The following GUCY1A2 variants were observed in gnomAD, a reference collection of about 807,000 sequenced individuals.
The protein encoded by GUCY1A2 is guanylate cyclase soluble subunit alpha-2.
Under a neutral mutation model 63.5 loss-of-function variants are expected in GUCY1A2, and 27 were observed. The observed-to-expected ratio is 0.43, with a 90% CI of 0.31 to 0.59. The LOEUF (loss-of-function observed/expected upper bound fraction) is 0.59. Among genes scored for constraint, GUCY1A2 ranks in the 20% least tolerant of loss-of-function variants. The pLI, the probability that GUCY1A2 is intolerant of heterozygous loss-of-function variation, is 0.11. For missense variants in GUCY1A2, 768 were observed against 913.3 expected, an observed-to-expected ratio of 0.84 and a Z score of 2.05; for synonymous variants, 364 against 343.5, an observed-to-expected ratio of 1.06 and a Z score of -0.66.
intron 6 of GUCY1A2, among the ~76,000 whole-genome samples, chr11:106,751,786 T>C (rs1444629294): frequency 2.0e-5 from 3 of 152,146 alleles, no homozygotes; most frequent in Non-Finnish European, 2.9e-5. Context: ...ATTAAGCACA[T>C]GGTAGTGTCT....
intron 4 of GUCY1A2, among the ~76,000 whole-genome samples, chr11:106,831,502 T>G (rs935379997): frequency 1.3e-5 from 2 of 152,170 alleles, no homozygotes; most frequent in Non-Finnish European, 2.9e-5. Context: ...GCCCATATGA[T>G]GATAGCAGAA....
chr11:106,777,423 G>A (rs1201256382), intron 5 of GUCY1A2, among the ~76,000 whole-genome samples: 4 of 145,262 alleles, frequency 2.8e-5, no homozygotes, highest in Non-Finnish European at 6.0e-5. Context: ...CTCCAGCCTG[G>A]TGACAGAGTG....
chr11:106,683,419 G>A lies in GUCY1A2; in HGVS notation c.*4130C>T, dbSNP rs572673473. On this transcript the variant is annotated 3_prime_UTR_variant, in exon 8 of 8. Coordinates refer to ENST00000526355, the MANE Select transcript of GUCY1A2 (RefSeq NM_000855.3). ...AGTGAAGCTGTATGAAGTGCTTGGA[G>A]TCAGACTGTGTTTTGAAGAAAGAGC... 8 of 225,838 alleles carry A rather than the reference G, an allele frequency of 3.5e-5. No individual in the cohort carries two copies. In the East Asian group the frequency reaches 5.1e-4, roughly 14 times the overall value. 14.0% of individuals were successfully genotyped at this position (225,838 alleles called of 1,614,324 possible).
At chr11:106,981,632 C>T (rs1861337274) in intron 2 of GUCY1A2, among the ~76,000 whole-genome samples, 1 of 152,048 alleles carries the variant, frequency 6.6e-6, no homozygotes, top group Non-Finnish European at 1.5e-5. Context: ...GCTTCGTCTA[C>T]CCTGCCATGG....
chr11:106,760,807 G>GA (rs1346396201), intron 6 of GUCY1A2, among the ~76,000 whole-genome samples: 2 of 151,924 alleles, frequency 1.3e-5, no homozygotes, highest in East Asian at 3.9e-4. Flanking sequence ...GTTAAAAGGA[G>GA]AAAAAAATCC....
chr11:106,949,887 G>T (rs1860882438), intron 3 of GUCY1A2, among the ~76,000 whole-genome samples: 1 of 152,142 alleles, frequency 6.6e-6, no homozygotes, highest in South Asian at 2.1e-4. Context: ...ATCTATAAAA[G>T]AATGAATATA....
intron 1 of GUCY1A2, among the ~76,000 whole-genome samples, chr11:106,997,308 G>A (rs867884491): frequency 1.8e-4 from 27 of 151,852 alleles, no homozygotes; most frequent in Middle Eastern, 3.2e-3. Flanking sequence ...TCTTCTTCCC[G>A]CACTCTATAG....
intron 4 of GUCY1A2, among the ~76,000 whole-genome samples, chr11:106,885,238 TG>T: frequency 6.6e-6 from 1 of 152,326 alleles, no homozygotes; most frequent in South Asian, 2.1e-4. Flanking sequence ...CTGATTATTT[TG>T]TACAATGAAT....
intron 1 of GUCY1A2, among the ~76,000 whole-genome samples, chr11:107,013,517 T>C (rs1251099179): frequency 1.3e-5 from 2 of 152,234 alleles, no homozygotes; most frequent in African/African-American, 2.4e-5. Flanking sequence ...GATTTATACA[T>C]CTTCAATCAG....
intron 4 of GUCY1A2, among the ~76,000 whole-genome samples, chr11:106,855,686 T>C (rs1859419719): frequency 1.3e-5 from 2 of 152,186 alleles, no homozygotes. Context: ...TTGGCATCCT[T>C]GTCAACAATT....
At chr11:106,722,717 T>G (rs886522354) in intron 6 of GUCY1A2, among the ~76,000 whole-genome samples, 1 of 152,012 alleles carries the variant, frequency 6.6e-6, no homozygotes, top group Non-Finnish European at 1.5e-5. Context: ...AAATAGGAAA[T>G]TTTCTTTTTC....
At chr11:106,829,624 C>T (rs1226355956) in intron 4 of GUCY1A2, among the ~76,000 whole-genome samples, 7 of 152,120 alleles carry the variant, frequency 4.6e-5, no homozygotes, top group African/African-American at 1.7e-4. Context: ...GTTAAGATTG[C>T]CACCTGGATA....
At chr11:106,907,451 A>T (rs1860227249) in intron 4 of GUCY1A2, among the ~76,000 whole-genome samples, 2 of 151,892 alleles carry the variant, frequency 1.3e-5, no homozygotes, top group South Asian at 4.2e-4. Flanking sequence ...CATGTGCACA[A>T]TGTGCAGGTT....
chr11:106,858,751 GA>G (rs1368919529), intron 4 of GUCY1A2, among the ~76,000 whole-genome samples: 2 of 152,042 alleles, frequency 1.3e-5, no homozygotes, highest in African/African-American at 2.4e-5. Context: ...AAATCTAGAA[GA>G]CAAGGAGAAA....
chr11:106,917,678 T>C (rs991103827), intron 4 of GUCY1A2, among the ~76,000 whole-genome samples: 1 of 140,452 alleles, frequency 7.1e-6, no homozygotes, highest in Non-Finnish European at 1.6e-5. Flanking sequence ...TCATTCTCAG[T>C]AAACTATCAC....
At chr11:106,949,067 T>G (rs1162556581) in intron 3 of GUCY1A2, among the ~76,000 whole-genome samples, 1 of 152,190 alleles carries the variant, frequency 6.6e-6, no homozygotes, top group Admixed American at 6.5e-5. Flanking sequence ...ATATGATTTT[T>G]TTATTTTAAT....
chr11:106,746,400 G>C, intron 6 of GUCY1A2: 2 of 462,992 alleles, frequency 4.3e-6, no homozygotes, highest in Non-Finnish European at 3.9e-6. Context: ...ACAAAGTAGA[G>C]TCTCAACAAA....
chr11:106,738,406 T>A (rs956139306), intron 6 of GUCY1A2, among the ~76,000 whole-genome samples: 1 of 152,226 alleles, frequency 6.6e-6, no homozygotes, highest in African/African-American at 2.4e-5. Context: ...TTAGATCCCA[T>A]TTGTCAATTT....
At chr11:106,840,616 C>T (rs1859182998) in intron 4 of GUCY1A2, among the ~76,000 whole-genome samples, 1 of 151,934 alleles carries the variant, frequency 6.6e-6, no homozygotes, top group Admixed American at 6.6e-5. Context: ...CACATACATA[C>T]ACATAAAGAG....
Sources: allele counts gnomAD v4.1 joint callset (sites outside exome capture counted in the v4.1 genomes callset), GRCh38; gene constraint gnomAD v4.1.1; transcripts MANE v1.5; gene names NCBI Gene and HGNC (gene_info 2026-07-23, HGNC 2026-07-21).